STAG1: variants seen among roughly 807,000 people sequenced by gnomAD.
The protein encoded by STAG1 is STAG1 cohesin complex component.
In STAG1, 26 loss-of-function variants were observed where a neutral mutation model predicts 170.9. That is an observed-to-expected ratio of 0.15 (90% CI 0.11 to 0.21). The LOEUF is 0.21. Ranked by LOEUF, STAG1 falls within the 10% of genes least tolerant of loss-of-function variation. The pLI, the probability that STAG1 is intolerant of heterozygous loss-of-function variation, is 1.00. For missense variants in STAG1, 964 were observed against 1,509.5 expected, an observed-to-expected ratio of 0.64 and a Z score of 5.99; for synonymous variants, 514 against 497.7, an observed-to-expected ratio of 1.03 and a Z score of -0.44.
At chr3:136,511,353 T>C (rs1057318190) in intron 7 of STAG1, among the ~76,000 whole-genome samples, 1 of 152,212 alleles carries the variant, frequency 6.6e-6, no homozygotes, top group Non-Finnish European at 1.5e-5. Flanking sequence ...ATGCACATGT[T>C]CACTGCAGCA....
chr3:136,625,946 G>A (rs1431088242), intron 2 of STAG1, among the ~76,000 whole-genome samples: 1 of 152,204 alleles, frequency 6.6e-6, no homozygotes, highest in Admixed American at 6.5e-5. Context: ...CCAACACTTT[G>A]GGAGGCTGAG....
intron 3 of STAG1, among the ~76,000 whole-genome samples, chr3:136,611,492 TTTTTAC>T (rs1939274434): frequency 6.6e-6 from 1 of 151,428 alleles, no homozygotes. Context: ...AGTTTTGACC[TTTTTAC>T]TTTTTCTTTT....
At position 136,465,002 on chromosome 3, in the gene STAG1, A is replaced by C; in HGVS notation, c.1206-14T>G. 6.3e-7 allele frequency: 1 copy of C among 1,580,376 alleles called. No homozygotes were observed. Among genetic ancestry groups the C allele is most frequent in the Non-Finnish European group, 8.6e-7 (1 of 1,156,704 alleles). The stretch of plus-strand genomic sequence containing the variant: ...TCTTCACTTCCACTGAAAAATACAG[A>C]AAGTAACATCTGATCTAAAGCAAAT... On this transcript the variant is annotated splice_polypyrimidine_tract_variant and intron_variant, in intron 12 of 33. Coordinates refer to ENST00000383202, the MANE Select transcript of STAG1 (RefSeq NM_005862.3).
At chr3:136,496,938 G>A (rs1933140519) in intron 9 of STAG1, among the ~76,000 whole-genome samples, 2 of 151,638 alleles carry the variant, frequency 1.3e-5, no homozygotes, top group African/African-American at 2.4e-5. Flanking sequence ...GAGAGAGAGA[G>A]ATGTTAAATT....
intron 1 of STAG1, among the ~76,000 whole-genome samples, chr3:136,697,724 A>C (rs1942940521): frequency 1.3e-5 from 2 of 152,260 alleles, no homozygotes; most frequent in African/African-American, 4.8e-5. Flanking sequence ...CGTTTACTTC[A>C]GCTCCCTGGA....
intron 24 of STAG1, among the ~76,000 whole-genome samples, chr3:136,368,681 A>G (rs1166009884): frequency 1.3e-5 from 2 of 152,206 alleles, no homozygotes; most frequent in Non-Finnish European, 2.9e-5. Context: ...GAATTATGCT[A>G]TATCTACATA....
intron 12 of STAG1, among the ~76,000 whole-genome samples, chr3:136,466,938 G>C (rs1559820680): frequency 6.6e-6 from 1 of 152,040 alleles, no homozygotes; most frequent in Non-Finnish European, 1.5e-5. Flanking sequence ...AAATCCTTTA[G>C]AGACAAACAA....
chr3:136,459,078 C>T (rs1327495672), intron 13 of STAG1, among the ~76,000 whole-genome samples: 1 of 151,854 alleles, frequency 6.6e-6, no homozygotes, highest in Admixed American at 6.6e-5. Context: ...ATTAGCCAGG[C>T]GTGGTGACAC....
At chr3:136,602,282 G>A (rs979623231) in intron 4 of STAG1, among the ~76,000 whole-genome samples, 11 of 151,586 alleles carry the variant, frequency 7.3e-5, no homozygotes, top group African/African-American at 2.7e-4. Flanking sequence ...GGGAAGTTGA[G>A]GCAGAAGAAT....
chr3:136,426,120 A>C (rs75919508), intron 16 of STAG1, among the ~76,000 whole-genome samples: 2 of 151,786 alleles, frequency 1.3e-5, no homozygotes, highest in South Asian at 2.1e-4. Context: ...AAAAAAAAAA[A>C]CTTGTGGCCG....
At chr3:136,605,856 T>C (rs193120051) in intron 3 of STAG1, among the ~76,000 whole-genome samples, 45 of 152,332 alleles carry the variant, frequency 3.0e-4, no homozygotes, top group African/African-American at 9.4e-4. Context: ...CTACAAGGCA[T>C]AGCTTGGAGG....
At chr3:136,647,556 C>T (rs1011266522) in intron 1 of STAG1, among the ~76,000 whole-genome samples, 2 of 151,360 alleles carry the variant, frequency 1.3e-5, no homozygotes, top group East Asian at 1.9e-4. Flanking sequence ...GCAACAAGAG[C>T]GAAACTCGGT....
intron 1 of STAG1, among the ~76,000 whole-genome samples, chr3:136,721,961 C>T (rs1253134300): frequency 6.6e-6 from 1 of 151,374 alleles, no homozygotes. Context: ...GTGGCTCACA[C>T]CTGTAATCCC....
intron 21 of STAG1, among the ~76,000 whole-genome samples, chr3:136,410,068 T>TAAAAAAAAA (rs766763989): frequency 1.1e-5 from 1 of 93,082 alleles, no homozygotes; most frequent in Non-Finnish European, 2.1e-5. Context: ...AGTCCTTGTC[T>TAAAAAAAAA]AAAAAAAAAA....
chr3:136,457,402 C>T (rs1384799600), intron 13 of STAG1, among the ~76,000 whole-genome samples: 7 of 152,230 alleles, frequency 4.6e-5, no homozygotes, highest in Admixed American at 6.5e-5. Flanking sequence ...CTTGATGCAC[C>T]GCTACCTTTC....
chr3:136,418,077 G>A, intron 20 of STAG1, 105 bp from the exon 21 acceptor site: 1 of 879,094 alleles, frequency 1.1e-6, no homozygotes, highest in Non-Finnish European at 1.8e-6. Context: ...ATTTCGGCTG[G>A]GCACACTGGC....
chr3:136,467,032 C>A (rs1288734843), intron 12 of STAG1, among the ~76,000 whole-genome samples: 1 of 152,164 alleles, frequency 6.6e-6, no homozygotes, highest in Non-Finnish European at 1.5e-5. Context: ...ACAACCAGTA[C>A]CAGCCACTGC....
chr3:136,652,323 T>A (rs1037937011), intron 1 of STAG1, among the ~76,000 whole-genome samples: 1 of 152,226 alleles, frequency 6.6e-6, no homozygotes, highest in Non-Finnish European at 1.5e-5. Flanking sequence ...CATCACTTCA[T>A]TGCTGATTTA....
intron 1 of STAG1, among the ~76,000 whole-genome samples, chr3:136,649,559 G>C (rs1392511199): frequency 7.0e-6 from 1 of 142,434 alleles, no homozygotes; most frequent in Non-Finnish European, 1.5e-5. Context: ...TATTTCAATA[G>C]GGCAGCCAAT....
Sources: allele counts gnomAD v4.1 joint callset (sites outside exome capture counted in the v4.1 genomes callset), GRCh38; gene constraint gnomAD v4.1.1; transcripts MANE v1.5; gene names NCBI Gene and HGNC (gene_info 2026-07-23, HGNC 2026-07-21).